The following ALPK1 variants were observed in gnomAD, a reference collection of about 807,000 sequenced individuals.
ALPK1 encodes alpha kinase 1.
ALPK1 carries 110 observed loss-of-function variants against 120.6 expected under a neutral mutation model. The ratio of observed to expected loss-of-function variants is 0.91; its 90% confidence interval spans 0.78 to 1.07. ALPK1 has a LOEUF of 1.07. Ranked by LOEUF, ALPK1 falls within the 50% of genes least tolerant of loss-of-function variation. ALPK1 has a pLI of 0.00. For missense variants in ALPK1, 1,498 were observed against 1,483.9 expected (o/e 1.01, Z -0.16); for synonymous variants, 582 against 560.3 (o/e 1.04, Z -0.55).
At chr4:112,358,254 C>A in intron 2 of ALPK1, 1 of 586,832 alleles carries the variant, frequency 1.7e-6, no homozygotes, top group Non-Finnish European at 3.2e-6. Context: ...GACGCCAGAG[C>A]CCAGCTGCCC....
At chr4:112,424,903 G>A (rs1336718415) in intron 6 of ALPK1, 1 of 152,204 alleles carries the variant, frequency 6.6e-6, no homozygotes, top group Non-Finnish European at 1.5e-5. Context: ...ACCACTGACA[G>A]TTTTCAGGCC....
At chr4:112,406,272 T>C (rs1171422960) in intron 4 of ALPK1, among the ~76,000 whole-genome samples, 1 of 152,176 alleles carries the variant, frequency 6.6e-6, no homozygotes, top group Admixed American at 6.5e-5. Context: ...ATGTGGTATA[T>C]ACATGCAATG....
rs1312432584 is a variant in ALPK1 at position 112,440,907 on chromosome 4, T to C, written c.3539-10T>C. 4 of 1,604,038 alleles carry C rather than the reference T, an allele frequency of 2.5e-6. No individual in the cohort carries two copies. The highest frequency in any genetic ancestry group is 2.2e-5 in the East Asian group (1 of 44,838). On this transcript the variant is annotated splice_polypyrimidine_tract_variant and intron_variant, in intron 14 of 15. Coordinates refer to ENST00000650871, the MANE Select transcript of ALPK1 (RefSeq NM_025144.4). ...AATTTAATACTCAGGTGTGTTCATT[T>C]CTCTTTTAGGTTGGGTAACCGGTAA...
At chr4:112,346,863 T>C (rs1730125458) in intron 2 of ALPK1, among the ~76,000 whole-genome samples, 1 of 152,228 alleles carries the variant, frequency 6.6e-6, no homozygotes, top group Non-Finnish European at 1.5e-5. Context: ...ATGTTTATTG[T>C]AATGGGAAGA....
chr4:112,423,635 A>C lies in ALPK1; in HGVS notation c.476-309A>C, dbSNP rs929022336. 9 of 488,594 alleles carry C rather than the reference A, an allele frequency of 1.8e-5. No homozygotes were observed. The Admixed American group carries it at 2.1e-4, about 11-fold the overall frequency. The allele number at this position is 488,594 out of a possible 1,614,324, so 30.3% of individuals were successfully genotyped here. On this transcript the variant is annotated intron_variant, in intron 5 of 15. Coordinates refer to ENST00000650871, the MANE Select transcript of ALPK1 (RefSeq NM_025144.4). ...AGTATAGTTTTCACAGGGAGGCGGC[A>C]CAGCCTGTTAGAAAAGTTTGCCTCT...
At chr4:112,394,926 A>G (rs898915975) in intron 4 of ALPK1, among the ~76,000 whole-genome samples, 1 of 152,188 alleles carries the variant, frequency 6.6e-6, no homozygotes, top group African/African-American at 2.4e-5. Flanking sequence ...TAGGGATGTG[A>G]TCATTCTTTC....
chr4:112,412,473 GT>G (rs200595020), intron 5 of ALPK1: 26 of 456,510 alleles, frequency 5.7e-5, no homozygotes, highest in Middle Eastern at 6.5e-4. Flanking sequence ...TAATTTGAGG[GT>G]TTTTTTTCAT....
intron 2 of ALPK1, among the ~76,000 whole-genome samples, chr4:112,337,293 T>C (rs889862213): frequency 2.6e-5 from 4 of 152,208 alleles, no homozygotes; most frequent in Non-Finnish European, 5.9e-5. Context: ...CTTTTATTAT[T>C]AAAGATTATA....
intron 5 of ALPK1, among the ~76,000 whole-genome samples, chr4:112,418,044 G>A (rs1387623119): frequency 1.3e-5 from 2 of 152,138 alleles, no homozygotes; most frequent in Non-Finnish European, 2.9e-5. Context: ...AAAGTAAAGA[G>A]AACTCTAAAG....
rs369117203 is a variant in ALPK1, at chr4:112,343,126, C to T, written c.-101+27274C>T. 3.9e-5 allele frequency: 6 copies of T among 152,410 alleles called. No individual in the cohort carries two copies. In the South Asian group the frequency reaches 8.3e-4, roughly 21 times the overall value. The allele number at this position is 152,410 out of a possible 1,614,324, so 9.4% of individuals were successfully genotyped here. Reference sequence around the variant, plus strand: ...CTTCTGTCCTGGCTTCTCCAGTTTTCCTCCTGCCTGCACATTAAACACACA... The same window carrying T: ...CTTCTGTCCTGGCTTCTCCAGTTTTTCTCCTGCCTGCACATTAAACACACA... On this transcript the variant is annotated intron_variant, in intron 2 of 15. Coordinates refer to ENST00000650871, the MANE Select transcript of ALPK1 (RefSeq NM_025144.4).
At chr4:112,351,171 C>T (rs1302957661) in intron 2 of ALPK1, among the ~76,000 whole-genome samples, 1 of 152,158 alleles carries the variant, frequency 6.6e-6, no homozygotes, top group Non-Finnish European at 1.5e-5. Flanking sequence ...TTTCTTTTTC[C>T]TATTTTTTCT....
intron 2 of ALPK1, among the ~76,000 whole-genome samples, chr4:112,350,771 A>G (rs6851177): frequency 0.017 from 2,636 of 152,248 alleles, 73 homozygotes; most frequent in African/African-American, 0.06. Context: ...TTCTTTACCT[A>G]GAATATAGGT....
At chr4:112,380,340 C>G (rs966858104) in intron 3 of ALPK1, among the ~76,000 whole-genome samples, 1 of 152,196 alleles carries the variant, frequency 6.6e-6, no homozygotes, top group African/African-American at 2.4e-5. Flanking sequence ...TCCTGTGGGT[C>G]TGCTTTCAAG....
chr4:112,344,336 T>C (rs1453961205), intron 2 of ALPK1, among the ~76,000 whole-genome samples: 1 of 152,218 alleles, frequency 6.6e-6, no homozygotes, highest in East Asian at 1.9e-4. Flanking sequence ...AGCTCAGTTG[T>C]AAGCAATGAT....
intron 2 of ALPK1, among the ~76,000 whole-genome samples, chr4:112,355,235 T>C (rs1299022463): frequency 3.3e-5 from 5 of 152,248 alleles, no homozygotes; most frequent in Non-Finnish European, 7.3e-5. Flanking sequence ...AAATTTAAGA[T>C]ATTTTGCCTA....
chr4:112,375,869 G>A (rs1019417986), intron 2 of ALPK1, among the ~76,000 whole-genome samples: 1 of 151,976 alleles, frequency 6.6e-6, no homozygotes, highest in Non-Finnish European at 1.5e-5. Flanking sequence ...TTGACTTAAA[G>A]TGTGAGATGT....
In ALPK1 at chr4:112,439,827, T is replaced by C; in HGVS notation, c.3493T>C (p.Ser1165Pro). ...ATATGGCTTGGCCTATGGCCATTTT[T>C]CTTATGAGTTTTCTAATCATAGAGA... ...TEYGLAYGHF[S>P]YEFSNHRDVV... The change falls in exon 14 of 16, where the codon TCT (serine) becomes CCT (proline). Residue 1165 changes from serine (S) to proline (P), a missense_variant. Transcript: ENST00000650871. The C allele has an allele frequency of 6.2e-7, 1 of 1,611,240 alleles. No individual in the cohort carries two copies. Among genetic ancestry groups the C allele is most frequent in the East Asian group, 2.2e-5 (1 of 44,808 alleles).
At chr4:112,316,801 A>AT (rs1174618917) in intron 2 of ALPK1, among the ~76,000 whole-genome samples, 17 of 147,988 alleles carry the variant, frequency 1.1e-4, no homozygotes, top group Non-Finnish European at 2.4e-4. Context: ...AACTTTGCCC[A>AT]TTTTTTTTCA....
intron 5 of ALPK1, among the ~76,000 whole-genome samples, chr4:112,418,429 G>A (rs1733839074): frequency 1.3e-5 from 2 of 152,244 alleles, no homozygotes; most frequent in African/African-American, 2.4e-5. Flanking sequence ...GGGTTCGGCT[G>A]ACCCTCTGCA....
Sources: gnomAD v4.1 joint callset for allele counts (sites outside exome capture counted in the v4.1 genomes callset) on GRCh38, gnomAD v4.1.1 for gene constraint, MANE v1.5 for transcripts, NCBI Gene and HGNC (gene_info 2026-07-23, HGNC 2026-07-21) for gene names.